ROBO2: variants seen among roughly 807,000 people sequenced by gnomAD.
ROBO2 encodes roundabout homolog 2.
In ROBO2, 53 loss-of-function variants were observed where a neutral mutation model predicts 160.8. That is an observed-to-expected ratio of 0.33 (90% CI 0.26 to 0.41). ROBO2 has a LOEUF of 0.41. Among genes scored for constraint, ROBO2 ranks in the 10% least tolerant of loss-of-function variants. The pLI, the probability that ROBO2 is intolerant of heterozygous loss-of-function variation, is 1.00. For synonymous variants in ROBO2, 664 were observed against 611.7 expected, an observed-to-expected ratio of 1.09 and a Z score of -1.26; for missense variants, 1,577 against 1,722.4, an observed-to-expected ratio of 0.92 and a Z score of 1.49.
At chr3:77,154,924 A>G (rs2077867192) in intron 2 of ROBO2, among the ~76,000 whole-genome samples, 1 of 152,012 alleles carries the variant, frequency 6.6e-6, no homozygotes, top group South Asian at 2.1e-4. Context: ...TACTAGACTC[A>G]GTACCTGAGT....
At chr3:76,191,166 A>G (rs1352630008) in intron 2 of ROBO2, among the ~76,000 whole-genome samples, 2 of 152,186 alleles carry the variant, frequency 1.3e-5, no homozygotes, top group African/African-American at 2.4e-5. Flanking sequence ...CTTGCTACAC[A>G]TGATTAAGTA....
At chr3:76,293,003 TATAAC>T (rs1024346340) in intron 2 of ROBO2, among the ~76,000 whole-genome samples, 15 of 152,012 alleles carry the variant, frequency 9.9e-5, no homozygotes, top group African/African-American at 3.1e-4. Context: ...TTGGGTTTGT[TATAAC>T]ATAAAAATTT....
intron 2 of ROBO2, among the ~76,000 whole-genome samples, chr3:77,277,119 C>CCCTT (rs754371905): frequency 4.8e-5 from 7 of 146,842 alleles, no homozygotes; most frequent in African/African-American, 1.5e-4. Flanking sequence ...TAAAAATGCA[C>CCCTT]CCTTCCTTCC....
chr3:77,251,035 G>T (rs1008342303), intron 2 of ROBO2, among the ~76,000 whole-genome samples: 3 of 152,104 alleles, frequency 2.0e-5, no homozygotes, highest in East Asian at 1.9e-4. Flanking sequence ...TCAGGCTGCA[G>T]TTGCAATCTA....
intron 2 of ROBO2, among the ~76,000 whole-genome samples, chr3:76,931,476 T>C (rs2077334704): frequency 6.6e-6 from 1 of 152,006 alleles, no homozygotes; most frequent in Non-Finnish European, 1.5e-5. Flanking sequence ...TCATTTATGA[T>C]CTTACATATT....
chr3:76,916,285 G>A (rs753830589), intron 2 of ROBO2, among the ~76,000 whole-genome samples: 11 of 152,256 alleles, frequency 7.2e-5, no homozygotes, highest in Non-Finnish European at 1.3e-4. Context: ...GGTTAAGAAC[G>A]TCTGAGTGAA....
At chr3:77,136,211 G>A (rs748854959) in intron 2 of ROBO2, among the ~76,000 whole-genome samples, 1 of 152,162 alleles carries the variant, frequency 6.6e-6, no homozygotes, top group Non-Finnish European at 1.5e-5. Flanking sequence ...TAAGGAGGCA[G>A]TAAGATAATT....
In ROBO2 at chr3:77,622,466, T is replaced by C. The variant is rs767185272; in HGVS notation, c.3760+34T>C. The C allele has an allele frequency of 2.5e-6, 4 of 1,582,506 alleles. 1 individual carries two copies. In the South Asian group the frequency reaches 4.4e-5, roughly 18 times the overall value. On this transcript the variant is annotated intron_variant, in intron 23 of 25. Coordinates refer to ENST00000461745, the Ensembl canonical transcript of ROBO2. ...ACCAATTTAATAGGAAAAACTGACCTATTGGTAACATTAAAATGCATCAAA... is the reference window on the plus strand; with the variant it reads ...ACCAATTTAATAGGAAAAACTGACCCATTGGTAACATTAAAATGCATCAAA...
intron 2 of ROBO2, among the ~76,000 whole-genome samples, chr3:77,270,644 G>GT (rs112676947): frequency 3.9e-5 from 6 of 152,036 alleles, no homozygotes; most frequent in African/African-American, 1.4e-4. Context: ...AATTTGTTTT[G>GT]TTTTTTAGAA....
chr3:77,017,713 A>G lies in ROBO2; in HGVS notation c.110-80301A>G, dbSNP rs1278596000. Among the ~76,000 whole-genome samples the G allele has an allele frequency of 2.0e-5, 3 of 152,260 alleles. No individual in the cohort carries two copies. The East Asian group carries it at 5.8e-4, about 29-fold the overall frequency. ...ATTTTTATAGTTTATTGTTAAATCA[A>G]TGCTGACTTCACATAATTTTTTAAA... On this transcript the variant is annotated intron_variant, in intron 2 of 26. Transcript: ENST00000487694.
chr3:76,393,946 A>G (rs1380375645), intron 2 of ROBO2, among the ~76,000 whole-genome samples: 2 of 152,200 alleles, frequency 1.3e-5, no homozygotes, highest in African/African-American at 4.8e-5. Context: ...GTAGAGGGAA[A>G]GAAAAATAAA....
chr3:76,290,244 T>A (rs545837928), intron 2 of ROBO2, among the ~76,000 whole-genome samples: 1 of 152,288 alleles, frequency 6.6e-6, no homozygotes, highest in East Asian at 1.9e-4. Context: ...ATTGTAGAGA[T>A]GTTTTACCTC....
intron 2 of ROBO2, among the ~76,000 whole-genome samples, chr3:76,307,048 G>A (rs568844444): frequency 3.9e-4 from 59 of 152,130 alleles, no homozygotes; most frequent in South Asian, 3.1e-3. Flanking sequence ...TAATGCACTC[G>A]AACATTTTAA....
intron 12 of ROBO2, among the ~76,000 whole-genome samples, chr3:77,566,515 T>A (rs903545002): frequency 6.6e-6 from 1 of 152,102 alleles, no homozygotes; most frequent in Non-Finnish European, 1.5e-5. Flanking sequence ...TGTAGTACCG[T>A]GATCATTTAT....
At chr3:77,622,584 G>T in intron 23 of ROBO2, 152 bp downstream of exon 24, 1 of 733,970 alleles carries the variant, frequency 1.4e-6, no homozygotes, top group Non-Finnish European at 2.2e-6. Flanking sequence ...ATTCAAAAAG[G>T]ATTTGGAAAT....
intron 2 of ROBO2, among the ~76,000 whole-genome samples, chr3:76,430,327 C>T (rs1320892102): frequency 6.6e-6 from 1 of 152,052 alleles, no homozygotes; most frequent in Non-Finnish European, 1.5e-5. Context: ...TAATTTGGTC[C>T]TTTCAGTCAC....
intron 2 of ROBO2, among the ~76,000 whole-genome samples, chr3:77,315,552 T>A (rs1224900734): frequency 6.6e-6 from 1 of 152,226 alleles, no homozygotes; most frequent in Non-Finnish European, 1.5e-5. Flanking sequence ...CCTCTAATCC[T>A]TTCACTCACA....
chr3:76,863,220 G>T (rs914947909), intron 2 of ROBO2, among the ~76,000 whole-genome samples: 5 of 151,918 alleles, frequency 3.3e-5, no homozygotes, highest in African/African-American at 1.2e-4. Context: ...TGTCCCTGTG[G>T]GTTTGTACAG....
intron 2 of ROBO2, among the ~76,000 whole-genome samples, chr3:77,350,526 C>T (rs551519123): frequency 6.6e-6 from 1 of 152,240 alleles, no homozygotes; most frequent in South Asian, 2.1e-4. Flanking sequence ...TCATTCTGTA[C>T]TCGAAGTGCT....
Sources: gnomAD v4.1 joint callset for allele counts (sites outside exome capture counted in the v4.1 genomes callset) on GRCh38, gnomAD v4.1.1 for gene constraint, MANE v1.5 for transcripts, NCBI Gene and HGNC (gene_info 2026-07-23, HGNC 2026-07-21) for gene names.